AGBL4: variants seen among roughly 807,000 people sequenced by gnomAD.
The protein encoded by AGBL4 is cytosolic carboxypeptidase 6.
In AGBL4, 58 loss-of-function variants were observed where a neutral mutation model predicts 66.4. The observed-to-expected ratio is 0.87, with a 90% CI of 0.71 to 1.09. The LOEUF is 1.09. Ranked by LOEUF, AGBL4 falls within the 50% of genes least tolerant of loss-of-function variation. The pLI is 0.00. For missense variants in AGBL4, 579 were observed against 631.0 expected (o/e 0.92, Z 0.88); for synonymous variants, 234 against 222.9 (o/e 1.05, Z -0.44).
chr1:49,264,187 T>G (rs1653506270), intron 3 of AGBL4, among the ~76,000 whole-genome samples: 1 of 152,102 alleles, frequency 6.6e-6, no homozygotes, highest in Non-Finnish European at 1.5e-5. Context: ...TAATGACTTA[T>G]TTATCAAAAT....
At chr1:49,477,104 C>T (rs775742299) in intron 3 of AGBL4, among the ~76,000 whole-genome samples, 1 of 152,040 alleles carries the variant, frequency 6.6e-6, no homozygotes, top group Non-Finnish European at 1.5e-5. Flanking sequence ...CCCTGGTCCT[C>T]GAACAGCACC....
At chr1:49,678,991 G>T (rs780065311) in intron 3 of AGBL4, among the ~76,000 whole-genome samples, 4 of 151,966 alleles carry the variant, frequency 2.6e-5, no homozygotes, top group Non-Finnish European at 5.9e-5. Context: ...TGAATGCCAT[G>T]GTCATTTGAA....
chr1:49,868,819 C>T, intron 1 of AGBL4, among the ~76,000 whole-genome samples: 1 of 152,170 alleles, frequency 6.6e-6, no homozygotes, highest in South Asian at 2.1e-4. Flanking sequence ...AATGAAGAGA[C>T]AACCTACAGA....
At chr1:48,619,746 G>T (rs1645379298) in intron 9 of AGBL4, among the ~76,000 whole-genome samples, 2 of 152,158 alleles carry the variant, frequency 1.3e-5, no homozygotes, top group Admixed American at 6.5e-5. Flanking sequence ...GTGGTGCCAG[G>T]AGTTTAAAGC....
chr1:48,835,131 G>A (rs945580732), intron 6 of AGBL4, among the ~76,000 whole-genome samples: 1 of 152,010 alleles, frequency 6.6e-6, no homozygotes, highest in African/African-American at 2.4e-5. Context: ...CAGAAACAAA[G>A]GTCTCTAAGC....
intron 9 of AGBL4, 89 bp downstream of exon 9, chr1:48,634,404 C>A (rs1007838735): frequency 3.4e-5 from 37 of 1,084,624 alleles, no homozygotes; most frequent in Non-Finnish European, 4.8e-5. Flanking sequence ...TCCTAATTTG[C>A]AGCTTCTAGT....
chr1:49,230,463 A>G (rs556696748), intron 4 of AGBL4, among the ~76,000 whole-genome samples: 1 of 152,298 alleles, frequency 6.6e-6, no homozygotes, highest in South Asian at 2.1e-4. Flanking sequence ...AGACATTATC[A>G]CTGTTGATTC....
At position 48,872,662 on chromosome 1, in the gene AGBL4, AAAAC is replaced by A. The variant is rs750256217; in HGVS notation, c.595-5436_595-5433del. Among the ~76,000 whole-genome samples, 210 of 152,202 alleles carry A rather than the reference AAAAC, an allele frequency of 1.4e-3. 1 individual carries two copies. The highest frequency in any genetic ancestry group is 2.7e-3 in the Admixed American group (42 of 15,288). On this transcript the variant is annotated intron_variant, in intron 5 of 13. Coordinates refer to ENST00000371839, the MANE Select transcript of AGBL4 (RefSeq NM_032785.4). ...GTTACAGAAAGCATTAAAAACAAAC[AAAAC>A]AAACAAACAAACAAACAAACAACCA... is the stretch of plus-strand genomic sequence containing the variant.
At chr1:49,860,230 A>C (rs1646534616) in intron 1 of AGBL4, among the ~76,000 whole-genome samples, 1 of 152,254 alleles carries the variant, frequency 6.6e-6, no homozygotes, top group Non-Finnish European at 1.5e-5. Context: ...ACTAAAAAAA[A>C]TCAAAGCAAT....
chr1:48,933,242 T>C (rs1655179113), intron 5 of AGBL4, among the ~76,000 whole-genome samples: 1 of 152,212 alleles, frequency 6.6e-6, no homozygotes, highest in Non-Finnish European at 1.5e-5. Context: ...ATATATATGG[T>C]ATTTATCATA....
intron 3 of AGBL4, among the ~76,000 whole-genome samples, chr1:49,306,175 A>C (rs1156969726): frequency 1.3e-5 from 2 of 152,204 alleles, no homozygotes; most frequent in Non-Finnish European, 2.9e-5. Flanking sequence ...CTTTACCTGC[A>C]TATTTCCTGG....
intron 5 of AGBL4, among the ~76,000 whole-genome samples, chr1:48,902,506 G>T (rs1325039126): frequency 6.6e-6 from 1 of 152,158 alleles, no homozygotes; most frequent in Non-Finnish European, 1.5e-5. Flanking sequence ...GAAAGAACTG[G>T]TGGTGGATTG....
At chr1:49,343,646 T>C (rs1645584682) in intron 3 of AGBL4, among the ~76,000 whole-genome samples, 1 of 152,152 alleles carries the variant, frequency 6.6e-6, no homozygotes, top group South Asian at 2.1e-4. Context: ...CTGGTCCCCA[T>C]AGCATTCCCC....
At chr1:49,500,404 CTT>C (rs398102706) in intron 3 of AGBL4, among the ~76,000 whole-genome samples, 3 of 143,736 alleles carry the variant, frequency 2.1e-5, no homozygotes, top group African/African-American at 5.1e-5. Flanking sequence ...ATCTATTTAT[CTT>C]TTTTTTTTTT....
intron 4 of AGBL4, among the ~76,000 whole-genome samples, chr1:49,154,692 A>G (rs1276215751): frequency 6.6e-6 from 1 of 152,154 alleles, no homozygotes; most frequent in Non-Finnish European, 1.5e-5. Flanking sequence ...ATTCTCTTCC[A>G]TGTTAAAAGA....
chr1:49,855,118 G>A (rs548838404), intron 1 of AGBL4, among the ~76,000 whole-genome samples: 4 of 152,172 alleles, frequency 2.6e-5, no homozygotes, highest in African/African-American at 9.6e-5. Context: ...CACCCAGTCT[G>A]GGGTATTTCT....
At chr1:48,798,018 G>C (rs1479122737) in intron 6 of AGBL4, among the ~76,000 whole-genome samples, 3 of 152,136 alleles carry the variant, frequency 2.0e-5, no homozygotes, top group African/African-American at 7.2e-5. Context: ...TGGATCAAAT[G>C]GTAGTTCTAC....
chr1:48,915,103 T>A (rs1343430), intron 5 of AGBL4, among the ~76,000 whole-genome samples: 1,874 of 152,342 alleles, frequency 0.012, 41 homozygotes, highest in African/African-American at 0.042. Context: ...ACCTGGAGTA[T>A]GAAAAAGAAA....
At chr1:48,707,084 G>A (rs926275083) in intron 6 of AGBL4, among the ~76,000 whole-genome samples, 5 of 152,092 alleles carry the variant, frequency 3.3e-5, no homozygotes, top group Admixed American at 6.6e-5. Flanking sequence ...GCTTGAGTCC[G>A]GGAGTTCGAG....
Sources: allele counts gnomAD v4.1 joint callset (sites outside exome capture counted in the v4.1 genomes callset), GRCh38; gene constraint gnomAD v4.1.1; transcripts MANE v1.5; gene names NCBI Gene and HGNC (gene_info 2026-07-23, HGNC 2026-07-21).